CDH13: variants seen among roughly 807,000 people sequenced by gnomAD.
CDH13 encodes cadherin-13.
A neutral mutation model predicts 63.8 loss-of-function variants in CDH13; 24 were observed. That is an observed-to-expected ratio of 0.38 (90% CI 0.27 to 0.53). CDH13 has a LOEUF of 0.53. Ranked by LOEUF, CDH13 falls within the 20% of genes least tolerant of loss-of-function variation. The pLI is 0.85. For missense variants in CDH13, 1,049 were observed against 903.1 expected (o/e 1.16, Z -2.07); for synonymous variants, 503 against 355.3 (o/e 1.42, Z -4.67).
chr16:82,683,221 G>A (rs1914734184), intron 1 of CDH13, among the ~76,000 whole-genome samples: 1 of 152,158 alleles, frequency 6.6e-6, no homozygotes, highest in Non-Finnish European at 1.5e-5. Flanking sequence ...CTTGTTTATT[G>A]CATCTGGGTT....
intron 2 of CDH13, among the ~76,000 whole-genome samples, chr16:82,888,603 A>G (rs1317128767): frequency 1.3e-5 from 2 of 152,174 alleles, no homozygotes; most frequent in African/African-American, 4.8e-5. Flanking sequence ...GGGTTCAGAA[A>G]AGCTTGGAGG....
At chr16:83,485,135 A>G (rs1031375256) in intron 6 of CDH13, among the ~76,000 whole-genome samples, 1 of 152,216 alleles carries the variant, frequency 6.6e-6, no homozygotes, top group African/African-American at 2.4e-5. Context: ...TGAGAATACT[A>G]TCATTTTGGC....
At chr16:82,813,041 A>G (rs2037524096) in intron 1 of CDH13, among the ~76,000 whole-genome samples, 1 of 152,138 alleles carries the variant, frequency 6.6e-6, no homozygotes, top group Non-Finnish European at 1.5e-5. Context: ...TCAATGATGT[A>G]ACACTTTTAA....
intron 2 of CDH13, among the ~76,000 whole-genome samples, chr16:82,906,389 T>G (rs1290236170): frequency 2.0e-5 from 3 of 152,180 alleles, no homozygotes; most frequent in African/African-American, 7.2e-5. Flanking sequence ...ACATCAAAGC[T>G]CCGGCAATTT....
intron 1 of CDH13, among the ~76,000 whole-genome samples, chr16:82,699,802 A>T (rs1490485002): frequency 2.0e-5 from 3 of 152,256 alleles, no homozygotes; most frequent in Non-Finnish European, 4.4e-5. Flanking sequence ...GCCAAATGTC[A>T]TTTAGCTGTT....
intron 1 of CDH13, among the ~76,000 whole-genome samples, chr16:82,720,381 A>T (rs1181838700): frequency 6.6e-6 from 1 of 152,166 alleles, no homozygotes; most frequent in African/African-American, 2.4e-5. Flanking sequence ...AATACTTCGT[A>T]TTAATTAATT....
At chr16:82,839,743 C>T (rs532004087) in intron 1 of CDH13, among the ~76,000 whole-genome samples, 1 of 152,220 alleles carries the variant, frequency 6.6e-6, no homozygotes, top group African/African-American at 2.4e-5. Context: ...GCCAAGGAGA[C>T]TCTAGTGTAG....
At chr16:82,757,214 C>G (rs2034644968) in intron 1 of CDH13, among the ~76,000 whole-genome samples, 1 of 152,204 alleles carries the variant, frequency 6.6e-6, no homozygotes, top group Non-Finnish European at 1.5e-5. Flanking sequence ...CCACTTTTCA[C>G]CACCTTTCCA....
chr16:83,196,904 G>A (rs974194837), intron 4 of CDH13, among the ~76,000 whole-genome samples: 24 of 152,216 alleles, frequency 1.6e-4, no homozygotes, highest in African/African-American at 3.9e-4. Context: ...AACTAGACAC[G>A]CACTTACCAT....
chr16:83,615,029 AC>A (rs551426300), intron 8 of CDH13, among the ~76,000 whole-genome samples: 74 of 152,144 alleles, frequency 4.9e-4, no homozygotes, highest in Middle Eastern at 3.4e-3. Flanking sequence ...AGTTCCCTTA[AC>A]TCTTTGGGAT....
At chr16:82,947,986 T>C (rs1034740972) in intron 2 of CDH13, among the ~76,000 whole-genome samples, 3 of 152,190 alleles carry the variant, frequency 2.0e-5, no homozygotes, top group Admixed American at 6.5e-5. Context: ...TTGAATTCAT[T>C]TGGCATTCAT....
At chr16:82,730,733 T>C (rs2033357761) in intron 1 of CDH13, among the ~76,000 whole-genome samples, 1 of 152,122 alleles carries the variant, frequency 6.6e-6, no homozygotes, top group African/African-American at 2.4e-5. Context: ...ATCTGCAAAA[T>C]GAAATAAAGT....
intron 2 of CDH13, among the ~76,000 whole-genome samples, chr16:83,025,260 G>C (rs546011004): frequency 4.6e-5 from 7 of 152,244 alleles, no homozygotes; most frequent in Admixed American, 4.6e-4. Context: ...AGATGTCGAG[G>C]ATTAAAGAAT....
At chr16:82,716,162 A>G (rs542875612) in intron 1 of CDH13, among the ~76,000 whole-genome samples, 1 of 152,256 alleles carries the variant, frequency 6.6e-6, no homozygotes, top group South Asian at 2.1e-4. Flanking sequence ...GCACTCCTCA[A>G]TCCCCCGAGG....
At chr16:83,385,609 A>G (rs182532352) in intron 6 of CDH13, among the ~76,000 whole-genome samples, 1 of 152,322 alleles carries the variant, frequency 6.6e-6, no homozygotes, top group East Asian at 1.9e-4. Context: ...ATGGTCACCT[A>G]TGGCATGGGA....
At chr16:83,394,630 T>C (rs1311479233) in intron 6 of CDH13, among the ~76,000 whole-genome samples, 10 of 152,170 alleles carry the variant, frequency 6.6e-5, no homozygotes, top group Admixed American at 6.5e-4. Flanking sequence ...AAGCGTGACA[T>C]GACCTGACTT....
At chr16:82,665,245 C>G (rs564938441) in intron 1 of CDH13, among the ~76,000 whole-genome samples, 1 of 152,266 alleles carries the variant, frequency 6.6e-6, no homozygotes, top group South Asian at 2.1e-4. Flanking sequence ...CTGCAGAGTG[C>G]TCTCTAGTGT....
At chr16:83,545,024 A>T (rs1003765927) in intron 7 of CDH13, among the ~76,000 whole-genome samples, 12 of 152,226 alleles carry the variant, frequency 7.9e-5, no homozygotes, top group African/African-American at 2.9e-4. Context: ...CATTCACTGG[A>T]AACATACTTA....
chr16:82,840,719 A>G (rs1463905572), intron 1 of CDH13, among the ~76,000 whole-genome samples: 1 of 151,914 alleles, frequency 6.6e-6, no homozygotes, highest in African/African-American at 2.4e-5. Flanking sequence ...AACTTGCATA[A>G]TGGAGCAGGC....
Sources: allele counts gnomAD v4.1 joint callset (sites outside exome capture counted in the v4.1 genomes callset), GRCh38; gene constraint gnomAD v4.1.1; transcripts MANE v1.5; gene names NCBI Gene and HGNC (gene_info 2026-07-23, HGNC 2026-07-21).